PTPRD: variants seen among roughly 807,000 people sequenced by gnomAD.
PTPRD encodes protein tyrosine phosphatase receptor type D, also known as receptor-type tyrosine-protein phosphatase delta.
Under a neutral mutation model 214.5 loss-of-function variants are expected in PTPRD, and 34 were observed. The observed-to-expected ratio is 0.16, with a 90% CI of 0.12 to 0.21. PTPRD has a LOEUF of 0.21. Among genes scored for constraint, PTPRD ranks in the 10% least tolerant of loss-of-function variants. The pLI, the probability that PTPRD is intolerant of heterozygous loss-of-function variation, is 1.00. For missense variants in PTPRD, 2,545 were observed against 2,398.7 expected, an observed-to-expected ratio of 1.06 and a Z score of -1.27; for synonymous variants, 1,128 against 845.7, an observed-to-expected ratio of 1.33 and a Z score of -5.79.
chr9:9,723,618 TAC>T (rs2098012678), intron 7 of PTPRD, among the ~76,000 whole-genome samples: 1 of 152,080 alleles, frequency 6.6e-6, no homozygotes, highest in Non-Finnish European at 1.5e-5. Flanking sequence ...ATTTGGGGAA[TAC>T]TGCCATCTTA....
chr9:9,072,874 T>G (rs990052122), intron 10 of PTPRD, among the ~76,000 whole-genome samples: 5 of 152,176 alleles, frequency 3.3e-5, no homozygotes, highest in African/African-American at 1.2e-4. Flanking sequence ...TCTAGAAAAC[T>G]GAATGAGCAT....
chr9:9,164,952 C>G (rs549562134), intron 10 of PTPRD, among the ~76,000 whole-genome samples: 6 of 151,402 alleles, frequency 4.0e-5, no homozygotes, highest in Non-Finnish European at 8.8e-5. Context: ...ACTTGGGAGG[C>G]TGACGTAGGA....
At chr9:9,188,174 G>T (rs933193823) in intron 9 of PTPRD, among the ~76,000 whole-genome samples, 4 of 151,968 alleles carry the variant, frequency 2.6e-5, no homozygotes, top group Non-Finnish European at 5.9e-5. Flanking sequence ...TGTTATTTTT[G>T]TGTCTGCCTT....
At chr9:9,092,707 T>G (rs960737096) in intron 10 of PTPRD, among the ~76,000 whole-genome samples, 3 of 152,204 alleles carry the variant, frequency 2.0e-5, no homozygotes, top group Admixed American at 1.3e-4. Flanking sequence ...CCACTATCAT[T>G]TAAGATATAC....
At chr9:9,070,176 T>C (rs989628231) in intron 10 of PTPRD, among the ~76,000 whole-genome samples, 5 of 152,330 alleles carry the variant, frequency 3.3e-5, no homozygotes, top group Non-Finnish European at 5.9e-5. Context: ...AGATTCTGTC[T>C]TGGTGTCACT....
In PTPRD at chr9:8,316,377, C is replaced by CAA. The variant is rs780225287; in HGVS notation, c.*1495_*1496dup. On this transcript the variant is annotated 3_prime_UTR_variant, in exon 46 of 46. Coordinates refer to ENST00000381196, the MANE Select transcript of PTPRD (RefSeq NM_002839.4). Reference sequence around the variant, plus strand: ...ATGCAAAACTAAAACCAAAACGAAACAAAGTACAGCACTTCCCAGGAATGC... The same window carrying CAA: ...ATGCAAAACTAAAACCAAAACGAAACAAAAAGTACAGCACTTCCCAGGAATGC... The CAA allele has an allele frequency of 4.3e-6, 1 of 231,450 alleles. No individual in the cohort carries two copies. The highest frequency in any genetic ancestry group is 8.6e-6 in the Non-Finnish European group (1 of 116,768). The allele number at this position is 231,450 out of a possible 1,614,324, so 14.3% of individuals were successfully genotyped here.
chr9:10,091,108 A>C (rs1279957994), intron 3 of PTPRD, among the ~76,000 whole-genome samples: 1 of 151,410 alleles, frequency 6.6e-6, no homozygotes, highest in Non-Finnish European at 1.5e-5. Context: ...AACAGGAAAA[A>C]ATTAATGAGC....
At chr9:10,199,717 C>A (rs971786367) in intron 3 of PTPRD, among the ~76,000 whole-genome samples, 1 of 151,962 alleles carries the variant, frequency 6.6e-6, no homozygotes, top group East Asian at 1.9e-4. Context: ...AGGAGCAAAT[C>A]TGAATTTCCA....
At chr9:8,385,128 C>A (rs1165494111) in intron 37 of PTPRD, among the ~76,000 whole-genome samples, 1 of 152,178 alleles carries the variant, frequency 6.6e-6, no homozygotes, top group Non-Finnish European at 1.5e-5. Context: ...ACTTCTAATA[C>A]CTGCTAAGGA....
rs1594359095 is a variant in PTPRD, at chr9:10,212,076, C to T, written c.-545+128887G>A. On this transcript the variant is annotated intron_variant, in intron 3 of 45. Coordinates refer to ENST00000381196, the MANE Select transcript of PTPRD (RefSeq NM_002839.4). Reference sequence around the variant, plus strand: ...TGGAGAACAGTAACCAGTGGAATGACCTTTCCAATTCTATCTAGCAGACAT... The same window carrying T: ...TGGAGAACAGTAACCAGTGGAATGATCTTTCCAATTCTATCTAGCAGACAT... 2.0e-5 allele frequency among the ~76,000 whole-genome samples: 3 copies of T among 152,184 alleles called. No individual in the cohort carries two copies. In the East Asian group the frequency reaches 5.8e-4, roughly 29 times the overall value.
rs75275007 is a variant in PTPRD at position 8,554,730 on chromosome 9, C to G, written c.353-25951G>C. On this transcript the variant is annotated intron_variant, in intron 14 of 45. Coordinates refer to ENST00000381196, the MANE Select transcript of PTPRD (RefSeq NM_002839.4). ...ATAAGAATTCATTCACTGTCCAACACGTTTGTTTATTTTGACCTGTTGGTC... is the reference window on the plus strand; with the variant it reads ...ATAAGAATTCATTCACTGTCCAACAGGTTTGTTTATTTTGACCTGTTGGTC... Among the ~76,000 whole-genome samples, 125 of 152,274 alleles carry G rather than the reference C, an allele frequency of 8.2e-4. 1 individual carries two copies. The East Asian group carries it at 0.022, about 27-fold the overall frequency.
At chr9:9,670,709 G>A (rs1290301285) in intron 7 of PTPRD, among the ~76,000 whole-genome samples, 1 of 152,200 alleles carries the variant, frequency 6.6e-6, no homozygotes, top group Non-Finnish European at 1.5e-5. Flanking sequence ...TCAGGCTGTG[G>A]CTTCAGAGGT....
At chr9:9,072,280 TACAC>T (rs201508445) in intron 10 of PTPRD, among the ~76,000 whole-genome samples, 4,460 of 135,632 alleles carry the variant, frequency 0.033, 86 homozygotes, top group Admixed American at 0.049. Context: ...GCTGGCAACT[TACAC>T]ACACACACAC....
chr9:8,484,453 C>T (rs772734014), intron 29 of PTPRD, 75 bp from the exon 30 acceptor site: 6 of 1,454,628 alleles, frequency 4.1e-6, no homozygotes, highest in Non-Finnish European at 4.6e-6. Context: ...CCAATGTGCA[C>T]TAGCTTTTGG....
chr9:9,548,187 C>G (rs1337208267), intron 8 of PTPRD, among the ~76,000 whole-genome samples: 2 of 151,044 alleles, frequency 1.3e-5, no homozygotes, highest in African/African-American at 4.9e-5. Context: ...AAAATTCATT[C>G]CAAGTGAAGG....
chr9:8,506,745 T>C (rs557213750), intron 22 of PTPRD, among the ~76,000 whole-genome samples: 1 of 152,322 alleles, frequency 6.6e-6, no homozygotes, highest in Admixed American at 6.5e-5. Flanking sequence ...CGATCAACAA[T>C]TGCCATGCCT....
chr9:9,462,266 G>C (rs1038859944), intron 8 of PTPRD, among the ~76,000 whole-genome samples: 1 of 152,108 alleles, frequency 6.6e-6, no homozygotes, highest in African/African-American at 2.4e-5. Flanking sequence ...TAGAACTAGA[G>C]GGCTAGAGTT....
At chr9:10,107,258 T>C (rs1002989010) in intron 3 of PTPRD, among the ~76,000 whole-genome samples, 67 of 151,984 alleles carry the variant, frequency 4.4e-4, no homozygotes, top group African/African-American at 1.6e-3. Flanking sequence ...AGCAACATTG[T>C]AGAAATGGAT....
chr9:9,994,526 A>C (rs1163852795), intron 4 of PTPRD, among the ~76,000 whole-genome samples: 2 of 152,056 alleles, frequency 1.3e-5, no homozygotes, highest in Non-Finnish European at 2.9e-5. Context: ...ACTGTTTTGA[A>C]CTCAGCTGTT....
Sources: allele counts gnomAD v4.1 joint callset (sites outside exome capture counted in the v4.1 genomes callset), GRCh38; gene constraint gnomAD v4.1.1; transcripts MANE v1.5; gene names NCBI Gene and HGNC (gene_info 2026-07-23, HGNC 2026-07-21).